The following PRPF4 variants were observed in gnomAD, a reference collection of about 807,000 sequenced individuals.
The protein encoded by PRPF4 is U4/U6 small nuclear ribonucleoprotein Prp4.
In PRPF4, 14 loss-of-function variants were observed where a neutral mutation model predicts 72.2. The ratio of observed to expected loss-of-function variants is 0.19; its 90% CI spans 0.13 to 0.30. The LOEUF (loss-of-function observed/expected upper bound fraction) is 0.30. Ranked by LOEUF, PRPF4 falls within the 10% of genes least tolerant of loss-of-function variation. The pLI is 1.00. For synonymous variants in PRPF4, 225 were observed against 232.2 expected (o/e 0.97, Z 0.28); for missense variants, 478 against 653.9 (o/e 0.73, Z 2.93).
Position 113,291,826 on chromosome 9 carries a change from C to G in PRPF4, c.*166C>G, listed in dbSNP as rs942920472. Reference sequence around the variant, plus strand: ...GTCAGCCCCCACTCCAGGAAGGCAGCCCAATCCCTAGGTGATGGGGAACCC... The same window carrying G: ...GTCAGCCCCCACTCCAGGAAGGCAGGCCAATCCCTAGGTGATGGGGAACCC... On this transcript the variant is annotated 3_prime_UTR_variant, in exon 14 of 14. Transcript: ENST00000374198. The G allele has an allele frequency of 8.0e-5, 55 of 683,562 alleles. No individual in the cohort carries two copies. The highest frequency in any genetic ancestry group is 3.4e-4 in the Admixed American group (11 of 32,758). 42.3% of individuals were successfully genotyped at this position (683,562 alleles called of 1,614,324 possible).
chr9:113,286,953 G>A, intron 9 of PRPF4, 125 bp downstream of exon 9: 1 of 1,372,810 alleles, frequency 7.3e-7, no homozygotes, highest in Non-Finnish European at 1.0e-6. Context: ...CCTTAAGGCT[G>A]AGGCAGGAGA....
At chr9:113,291,324 A>G in intron 13 of PRPF4, 143 bp from the exon 14 acceptor site, 1 of 825,466 alleles carries the variant, frequency 1.2e-6, no homozygotes, top group African/African-American at 1.7e-5. Context: ...GAATGAGCCA[A>G]AAGACCTTAC....
At chr9:113,282,960 C>T in intron 4 of PRPF4, 172 bp from the exon 5 acceptor site, 1 of 1,236,586 alleles carries the variant, frequency 8.1e-7, no homozygotes, top group Non-Finnish European at 1.1e-6. Flanking sequence ...CCTGGTATAA[C>T]CATGTAGTTA....
In PRPF4 at chr9:113,278,133, C is replaced by T. The variant is rs547411007; in HGVS notation, c.206-812C>T. ...TTTTTCCATAAATGAAAACACAATA[C>T]GTAAATTGTTGTATAACCCCCATTT... On this transcript the variant is annotated intron_variant, in intron 2 of 13. Transcript: ENST00000374198. Among the ~76,000 whole-genome samples, 6 of 152,202 alleles carry T rather than the reference C, an allele frequency of 3.9e-5. No individual in the cohort carries two copies. The South Asian group carries it at 6.2e-4, about 16-fold the overall frequency.
intron 6 of PRPF4, among the ~76,000 whole-genome samples, chr9:113,284,000 G>C (rs1008800049): frequency 6.6e-6 from 1 of 151,084 alleles, no homozygotes; most frequent in Admixed American, 6.6e-5. Flanking sequence ...CCCGGGAGGC[G>C]GAGGTTGCAG....
intron 3 of PRPF4, among the ~76,000 whole-genome samples, chr9:113,279,807 TG>T (rs1832221724): frequency 6.6e-6 from 1 of 152,234 alleles, no homozygotes; most frequent in African/African-American, 2.4e-5. Flanking sequence ...AGACATCAAA[TG>T]CATTCCATAT....
chr9:113,280,552 T>G (rs1832247746), intron 3 of PRPF4, among the ~76,000 whole-genome samples: 1 of 152,224 alleles, frequency 6.6e-6, no homozygotes, highest in Admixed American at 6.5e-5. Context: ...GAGATACAAC[T>G]CCAGCTATCT....
intron 2 of PRPF4, among the ~76,000 whole-genome samples, chr9:113,277,622 A>C (rs1187023716): frequency 1.3e-5 from 2 of 151,630 alleles, no homozygotes; most frequent in Non-Finnish European, 2.9e-5. Context: ...CTGACCTCAA[A>C]TGATCCGCCC....
intron 1 of PRPF4, 137 bp from the exon 2 acceptor site, chr9:113,276,411 T>G: frequency 1.1e-6 from 1 of 912,330 alleles, no homozygotes; most frequent in Admixed American, 2.1e-5. Context: ...GAAGAGCGTC[T>G]TAAGTAGTGT....
rs539149239 is a variant in PRPF4, at chr9:113,279,821, A to G, written c.392+690A>G. 1.4e-4 allele frequency among the ~76,000 whole-genome samples: 21 copies of G among 152,360 alleles called. 1 individual carries two copies. In the South Asian group the frequency reaches 3.7e-3, roughly 27 times the overall value. On this transcript the variant is annotated intron_variant, in intron 3 of 13. Coordinates refer to ENST00000374198, the MANE Select transcript of PRPF4 (RefSeq NM_001244926.2). ...GAGACATCAAATGCATTCCATATCA[A>G]TGACATAGAACAATGATAAATGTTT...
At chr9:113,286,453 C>T (rs571147946) in intron 8 of PRPF4, among the ~76,000 whole-genome samples, 163 bp downstream of exon 8, 97 of 152,348 alleles carry the variant, frequency 6.4e-4, no homozygotes, top group African/African-American at 2.3e-3. Flanking sequence ...CAACTTCCTA[C>T]ACATCCACTT....
intron 9 of PRPF4, among the ~76,000 whole-genome samples, chr9:113,287,973 C>T (rs1254508091): frequency 6.6e-6 from 1 of 152,216 alleles, no homozygotes; most frequent in Non-Finnish European, 1.5e-5. Flanking sequence ...ATATCTCTTC[C>T]AAAGCATGTT....
At chr9:113,279,170 A>C in intron 3 of PRPF4, 39 bp downstream of exon 3, 1 of 1,562,318 alleles carries the variant, frequency 6.4e-7, no homozygotes, top group Non-Finnish European at 8.7e-7. Flanking sequence ...CTTTATTATA[A>C]TCACAGGGTT....
Position 113,286,250 on chromosome 9 carries a change from C to T in PRPF4, c.768C>T (p.Leu256=). ...TTGATAGGAGTGGGCTTTGCAAGCT[C>T]TGGTCTGTTCCTGATTGCAACCTCC... ...ATACWSGLCK[L]WSVPDCNLLH... Residue 256 remains leucine (L), a synonymous_variant, in exon 8 of 14, where the codon CTC becomes CTT. Transcript: ENST00000374198. The T allele has an allele frequency of 5.0e-6, 8 of 1,614,112 alleles. No individual in the cohort carries two copies. The highest frequency in any genetic ancestry group is 6.8e-6 in the Non-Finnish European group (8 of 1,179,996).
Position 113,291,843 on chromosome 9 carries a change from G to A in PRPF4, c.*183G>A. The A allele has an allele frequency of 3.4e-6, 2 of 593,278 alleles. No individual in the cohort carries two copies. Among genetic ancestry groups the A allele is most frequent in the Non-Finnish European group, 5.8e-6 (2 of 345,306 alleles). The allele number at this position is 593,278 out of a possible 1,614,324, so 36.8% of individuals were successfully genotyped here. On this transcript the variant is annotated 3_prime_UTR_variant, in exon 14 of 14. Transcript: ENST00000374198. ...GAAGGCAGCCCAATCCCTAGGTGAT[G>A]GGGAACCCCTCTCACGGTTGAAAAT...
At chr9:113,290,218 T>C (rs1564258991) in intron 10 of PRPF4, among the ~76,000 whole-genome samples, 1 of 146,296 alleles carries the variant, frequency 6.8e-6, no homozygotes. Flanking sequence ...AGACTCTGTC[T>C]CAAAAGAAGA....
Position 113,291,828 on chromosome 9 carries a change from C to T in PRPF4, c.*168C>T. On this transcript the variant is annotated 3_prime_UTR_variant, in exon 14 of 14. Transcript: ENST00000374198. The stretch of plus-strand genomic sequence containing the variant: ...CAGCCCCCACTCCAGGAAGGCAGCC[C>T]AATCCCTAGGTGATGGGGAACCCCT... 3 of 674,250 alleles carry T rather than the reference C, an allele frequency of 4.4e-6. No homozygotes were observed. In the South Asian group the frequency reaches 6.3e-5, roughly 14 times the overall value. 41.8% of individuals were successfully genotyped at this position (674,250 alleles called of 1,614,324 possible). A position where few individuals can be genotyped will look rare whatever the true frequency, so the allele number is the denominator to read the frequency against.
intron 10 of PRPF4, 110 bp downstream of exon 10, chr9:113,288,374 T>C (rs983652577): frequency 3.1e-6 from 3 of 976,336 alleles, no homozygotes; most frequent in African/African-American, 1.6e-5. Flanking sequence ...GGTAGGATTT[T>C]CTTGGGCTGC....
At chr9:113,290,866 TTTCTAAC>T (rs753168903) in intron 12 of PRPF4, 25 bp from the exon 13 acceptor site, 37 of 1,612,728 alleles carry the variant, frequency 2.3e-5, no homozygotes, top group Admixed American at 3.3e-5. Flanking sequence ...AAGTACTCTA[TTTCTAAC>T]TTCAATACTG....
Sources: allele counts gnomAD v4.1 joint callset (sites outside exome capture counted in the v4.1 genomes callset), GRCh38; gene constraint gnomAD v4.1.1; transcripts MANE v1.5; gene names NCBI Gene and HGNC (gene_info 2026-07-23, HGNC 2026-07-21).